Variants in PRUNE2 observed in about 807,000 individuals in gnomAD.
PRUNE2 encodes protein prune homolog 2.
Under a neutral mutation model 252.0 loss-of-function variants are expected in PRUNE2, and 164 were observed. The ratio of observed to expected loss-of-function variants is 0.65; its 90% CI spans 0.57 to 0.74. PRUNE2 has a LOEUF of 0.74. Among genes scored for constraint, PRUNE2 ranks in the 30% least tolerant of loss-of-function variants. PRUNE2 has a pLI of 0.00. For synonymous variants in PRUNE2, 1,292 were observed against 1,350.2 expected (o/e 0.96, Z 0.94); for missense variants, 3,495 against 3,711.0 (o/e 0.94, Z 1.51).
At chr9:76,694,581 A>G (rs2045196605) in intron 9 of PRUNE2, among the ~76,000 whole-genome samples, 2 of 152,188 alleles carry the variant, frequency 1.3e-5, no homozygotes, top group African/African-American at 4.8e-5. Context: ...GATACCTTAA[A>G]AACATTTTAA....
intron 1 of PRUNE2, among the ~76,000 whole-genome samples, chr9:76,877,645 G>C (rs1214313493): frequency 6.6e-6 from 1 of 152,184 alleles, no homozygotes; most frequent in African/African-American, 2.4e-5. Context: ...AATATCTCTT[G>C]AGGTTTGTTT....
chr9:76,875,965 G>T (rs919176029), intron 1 of PRUNE2, among the ~76,000 whole-genome samples: 11 of 152,198 alleles, frequency 7.2e-5, no homozygotes, highest in Non-Finnish European at 1.6e-4. Flanking sequence ...GGTAGATCTG[G>T]AGTGGGGCCC....
intron 6 of PRUNE2, among the ~76,000 whole-genome samples, chr9:76,726,652 A>C (rs1481016658): frequency 6.6e-6 from 1 of 152,246 alleles, no homozygotes; most frequent in Non-Finnish European, 1.5e-5. Context: ...ATGCTGAATC[A>C]ATTGAAAATA....
At chr9:76,683,930 T>C (rs1488168058) in intron 9 of PRUNE2, among the ~76,000 whole-genome samples, 1 of 150,904 alleles carries the variant, frequency 6.6e-6, no homozygotes, top group African/African-American at 2.4e-5. Flanking sequence ...ATATATAGTA[T>C]ACATTATATG....
chr9:76,656,128 CTT>C (rs1849127943), intron 9 of PRUNE2, among the ~76,000 whole-genome samples: 1 of 152,212 alleles, frequency 6.6e-6, no homozygotes, highest in South Asian at 2.1e-4. Context: ...CTTCCCACCT[CTT>C]GTTTCTAATC....
At chr9:76,864,129 A>G (rs2060703177) in intron 1 of PRUNE2, among the ~76,000 whole-genome samples, 1 of 152,210 alleles carries the variant, frequency 6.6e-6, no homozygotes, top group Admixed American at 6.5e-5. Flanking sequence ...GAACAAAATC[A>G]AGTCCTTTGC....
At chr9:76,765,116 C>T (rs561080235) in intron 6 of PRUNE2, among the ~76,000 whole-genome samples, 6 of 152,026 alleles carry the variant, frequency 3.9e-5, no homozygotes, top group South Asian at 2.1e-4. Context: ...TTGTTGGGGG[C>T]GTGACATTAA....
intron 1 of PRUNE2, 72 bp from the exon 2 acceptor site, chr9:76,854,280 T>A: frequency 1.3e-6 from 1 of 756,236 alleles, no homozygotes; most frequent in Admixed American, 2.6e-5. Context: ...TTTAATATTT[T>A]AAAAAAGTAT....
At chr9:76,816,058 A>G (rs2057672226) in intron 6 of PRUNE2, among the ~76,000 whole-genome samples, 1 of 151,102 alleles carries the variant, frequency 6.6e-6, no homozygotes, top group East Asian at 2.0e-4. Context: ...GCTACTCAGG[A>G]GGCTGAGGCA....
intron 6 of PRUNE2, among the ~76,000 whole-genome samples, chr9:76,728,742 A>AC (rs1421799537): frequency 1.3e-5 from 2 of 152,248 alleles, no homozygotes; most frequent in Non-Finnish European, 2.9e-5. Flanking sequence ...CCCAGGACTC[A>AC]CATCCTAGCT....
At chr9:76,818,377 T>C (rs1368213460) in intron 6 of PRUNE2, among the ~76,000 whole-genome samples, 1 of 152,192 alleles carries the variant, frequency 6.6e-6, no homozygotes, top group Non-Finnish European at 1.5e-5. Context: ...GGAAGGAGTT[T>C]AGCAGTGATC....
At chr9:76,782,105 T>C (rs1340602645) in intron 6 of PRUNE2, among the ~76,000 whole-genome samples, 1 of 151,932 alleles carries the variant, frequency 6.6e-6, no homozygotes, top group African/African-American at 2.4e-5. Flanking sequence ...TCCCAGCTAC[T>C]GGGGAGGCTG....
At chr9:76,655,791 A>G (rs919152700) in intron 9 of PRUNE2, among the ~76,000 whole-genome samples, 3 of 152,226 alleles carry the variant, frequency 2.0e-5, no homozygotes, top group African/African-American at 7.2e-5. Flanking sequence ...CAAACAACTA[A>G]TAAAATATAC....
chr9:76,697,475 A>C (rs1037269827), intron 9 of PRUNE2, among the ~76,000 whole-genome samples: 1 of 152,208 alleles, frequency 6.6e-6, no homozygotes, highest in African/African-American at 2.4e-5. Context: ...ACATGGCACA[A>C]GCACTCACAG....
intron 3 of PRUNE2, 80 bp from the exon 4 acceptor site, chr9:76,846,758 T>C: frequency 7.8e-7 from 1 of 1,276,688 alleles, no homozygotes. Context: ...ATCTCTGCTC[T>C]CACACAAATG....
At chr9:76,654,908 C>A (rs1056866181) in intron 10 of PRUNE2, among the ~76,000 whole-genome samples, 4 of 152,100 alleles carry the variant, frequency 2.6e-5, no homozygotes, top group Non-Finnish European at 4.4e-5. Context: ...GAGAGTGACC[C>A]TGGAATACAG....
chr9:76,899,131 C>T (rs886950379), intron 1 of PRUNE2, among the ~76,000 whole-genome samples: 16 of 152,236 alleles, frequency 1.1e-4, no homozygotes, highest in Non-Finnish European at 1.9e-4. Flanking sequence ...GCTGGGCTGA[C>T]TTGGTACAGT....
chr9:76,756,678 G>C (rs2051183742), intron 6 of PRUNE2, among the ~76,000 whole-genome samples: 1 of 152,240 alleles, frequency 6.6e-6, no homozygotes, highest in Admixed American at 6.5e-5. Context: ...ACTAGGATGA[G>C]GAAAAGGCAG....
At position 76,707,941 on chromosome 9, in the gene PRUNE2, C is replaced by T. The variant is rs754448076; in HGVS notation, c.4333G>A (p.Glu1445Lys). ...GTGAAATTCATCCCATCTGAAGTCT[C>T]AGTAGTTTCACCTGAATTTCTTTGA... ...MSQRNSGETTETSDGMNFTKY... is the reference protein window; with the variant it reads ...MSQRNSGETTKTSDGMNFTKY... The change falls in exon 8 of 19, where the codon GAG becomes AAG. Residue 1445 changes from glutamate (E) to lysine (K), a missense_variant. Coordinates refer to ENST00000376718, the MANE Select transcript of PRUNE2 (RefSeq NM_015225.3). 1 of 1,613,932 alleles carries T rather than the reference C, an allele frequency of 6.2e-7. No homozygotes were observed. The highest frequency in any genetic ancestry group is 1.1e-5 in the South Asian group (1 of 91,078).
Sources: allele counts gnomAD v4.1 joint callset (sites outside exome capture counted in the v4.1 genomes callset), GRCh38; gene constraint gnomAD v4.1.1; transcripts MANE v1.5; gene names NCBI Gene and HGNC (gene_info 2026-07-23, HGNC 2026-07-21).